Variants in ASTN2 observed in about 807,000 individuals in gnomAD.
ASTN2 encodes astrotactin-2.
ASTN2 carries 54 observed loss-of-function variants against 139.8 expected under a neutral mutation model. The observed-to-expected ratio is 0.39, with a 90% CI of 0.31 to 0.48. ASTN2 has a LOEUF of 0.48. Ranked by LOEUF, ASTN2 falls within the 20% of genes least tolerant of loss-of-function variation. ASTN2 has a pLI of 0.95. For missense variants in ASTN2, 1,565 were observed against 1,725.1 expected (o/e 0.91, Z 1.64); for synonymous variants, 756 against 719.5 (o/e 1.05, Z -0.81).
intron 2 of ASTN2, among the ~76,000 whole-genome samples, chr9:117,270,168 T>G (rs1383705988): frequency 6.6e-6 from 1 of 152,196 alleles, no homozygotes; most frequent in Non-Finnish European, 1.5e-5. Context: ...AAAAAATACT[T>G]TTTATGGTGG....
chr9:116,790,625 C>T (rs1830502238), intron 13 of ASTN2, among the ~76,000 whole-genome samples: 2 of 151,904 alleles, frequency 1.3e-5, no homozygotes, highest in African/African-American at 4.8e-5. Context: ...ATGAGTAGTC[C>T]TTCTGCACAA....
intron 16 of ASTN2, among the ~76,000 whole-genome samples, chr9:116,693,100 C>T (rs1033427967): frequency 5.3e-5 from 8 of 152,024 alleles, no homozygotes; most frequent in Non-Finnish European, 1.2e-4. Context: ...AAACTGAATG[C>T]GTTATTAATA....
At chr9:117,282,809 C>T (rs925786128) in intron 2 of ASTN2, among the ~76,000 whole-genome samples, 4 of 148,026 alleles carry the variant, frequency 2.7e-5, no homozygotes, top group Non-Finnish European at 5.9e-5. Context: ...CTGCAGCTGC[C>T]GATGTGTAAG....
intron 10 of ASTN2, among the ~76,000 whole-genome samples, chr9:116,933,631 A>G (rs765452355): frequency 1.6e-4 from 24 of 151,884 alleles, no homozygotes; most frequent in Non-Finnish European, 1.3e-4. Flanking sequence ...ATTGGCAAGG[A>G]TTGTTCCTGA....
rs1030120382 is a variant in ASTN2, at chr9:116,993,876, A to ATATATATATATATT, written c.1591+14215_1591+14216insAATATATATATATA. Among the ~76,000 whole-genome samples, 348 of 142,000 alleles carry ATATATATATATATT rather than the reference A, an allele frequency of 2.5e-3. 1 individual carries two copies. Among genetic ancestry groups the ATATATATATATATT allele is most frequent in the East Asian group, 0.012 (59 of 4,922 alleles). 93.2% of individuals were successfully genotyped at this position (142,000 alleles called of 152,430 possible). ...ATGATATATATATATATATATATAT[A>ATATATATATATATT]TTTTAACTATATTACTATATATATT... On this transcript the variant is annotated intron_variant, in intron 7 of 22. Coordinates refer to ENST00000313400, the MANE Select transcript of ASTN2 (RefSeq NM_001365068.1).
chr9:116,523,518 C>T (rs572583472), intron 19 of ASTN2, among the ~76,000 whole-genome samples: 1 of 152,144 alleles, frequency 6.6e-6, no homozygotes, highest in African/African-American at 2.4e-5. Context: ...CTTCCACTTC[C>T]TCAGCTTTCA....
intron 10 of ASTN2, among the ~76,000 whole-genome samples, chr9:116,948,107 C>T (rs1413594931): frequency 6.6e-6 from 1 of 152,200 alleles, no homozygotes; most frequent in East Asian, 1.9e-4. Context: ...ATAGGGCATT[C>T]TATCAAGTGG....
intron 5 of ASTN2, among the ~76,000 whole-genome samples, chr9:117,044,926 G>A (rs776401306): frequency 1.1e-4 from 17 of 152,040 alleles, no homozygotes; most frequent in Non-Finnish European, 1.8e-4. Flanking sequence ...GAAGTGTAGA[G>A]CAATTAAATG....
intron 2 of ASTN2, among the ~76,000 whole-genome samples, chr9:117,229,585 G>A (rs1415190946): frequency 6.6e-6 from 1 of 152,220 alleles, no homozygotes; most frequent in Non-Finnish European, 1.5e-5. Flanking sequence ...TTGGAAAGAT[G>A]AGGTCTGGAA....
chr9:117,388,501 C>T (rs547087918), intron 1 of ASTN2, among the ~76,000 whole-genome samples: 21 of 152,198 alleles, frequency 1.4e-4, no homozygotes, highest in Non-Finnish European at 2.6e-4. Context: ...CTCCCAAGAT[C>T]CCCAGAGCAA....
chr9:116,913,392 C>G (rs1834365849), intron 10 of ASTN2, among the ~76,000 whole-genome samples: 1 of 152,228 alleles, frequency 6.6e-6, no homozygotes, highest in African/African-American at 2.4e-5. Context: ...GGCAAATAGA[C>G]TCCCTTATTA....
chr9:116,840,379 A>G (rs1832176276), intron 11 of ASTN2, among the ~76,000 whole-genome samples: 1 of 150,336 alleles, frequency 6.7e-6, no homozygotes, highest in Non-Finnish European at 1.5e-5. Flanking sequence ...CCTGTTCTCA[A>G]TGAGCTGTTG....
chr9:117,144,697 T>C (rs1264315105), intron 3 of ASTN2, among the ~76,000 whole-genome samples: 1 of 77,438 alleles, frequency 1.3e-5, no homozygotes. Flanking sequence ...TTTTTTTTTT[T>C]TTGAGATGGA....
At chr9:116,868,404 C>A (rs1004829025) in intron 10 of ASTN2, among the ~76,000 whole-genome samples, 1 of 152,142 alleles carries the variant, frequency 6.6e-6, no homozygotes, top group Non-Finnish European at 1.5e-5. Context: ...TAACAACTTA[C>A]CCTGTGTCTT....
chr9:116,579,612 G>A (rs1267471972), intron 19 of ASTN2, among the ~76,000 whole-genome samples: 1 of 152,158 alleles, frequency 6.6e-6, no homozygotes, highest in Admixed American at 6.5e-5. Context: ...CAGGCGCAAT[G>A]GTACATGCCT....
chr9:116,850,497 A>G (rs1278636655), intron 11 of ASTN2, among the ~76,000 whole-genome samples: 1 of 152,140 alleles, frequency 6.6e-6, no homozygotes, highest in African/African-American at 2.4e-5. Context: ...TGGAGTCCTG[A>G]TATCCATGCT....
intron 6 of ASTN2, among the ~76,000 whole-genome samples, chr9:117,014,036 C>T (rs1484503300): frequency 6.6e-6 from 1 of 152,114 alleles, no homozygotes; most frequent in Non-Finnish European, 1.5e-5. Context: ...TTTATTTTCC[C>T]TCTTTCTTTG....
At chr9:116,861,103 A>G (rs1047016696) in intron 11 of ASTN2, among the ~76,000 whole-genome samples, 15 of 152,210 alleles carry the variant, frequency 9.9e-5, no homozygotes, top group African/African-American at 3.6e-4. Flanking sequence ...CAACTTCATC[A>G]GACCGTTGAA....
At chr9:116,958,067 T>A (rs1442076173) in intron 10 of ASTN2, among the ~76,000 whole-genome samples, 2 of 152,160 alleles carry the variant, frequency 1.3e-5, no homozygotes, top group African/African-American at 4.8e-5. Flanking sequence ...GTGATGTTGA[T>A]TTGTGATGTT....
Sources: gnomAD v4.1 joint callset for allele counts (sites outside exome capture counted in the v4.1 genomes callset) on GRCh38, gnomAD v4.1.1 for gene constraint, MANE v1.5 for transcripts, NCBI Gene and HGNC (gene_info 2026-07-23, HGNC 2026-07-21) for gene names.